The following PALLD variants were observed in gnomAD, a reference collection of about 807,000 sequenced individuals.
PALLD encodes palladin, cytoskeletal associated protein.
A neutral mutation model predicts 123.5 loss-of-function variants in PALLD; 61 were observed. The ratio of observed to expected loss-of-function variants is 0.49; its 90% CI spans 0.40 to 0.61. PALLD has a LOEUF of 0.61. Ranked by LOEUF, PALLD falls within the 20% of genes least tolerant of loss-of-function variation. PALLD has a pLI of 0.00. For missense variants in PALLD, 1,273 were observed against 1,377.0 expected (o/e 0.92, Z 1.20); for synonymous variants, 465 against 496.4 (o/e 0.94, Z 0.84).
intron 1 of PALLD, chr4:168,507,704 T>G (rs1356830881): frequency 1.1e-5 from 2 of 185,812 alleles, no homozygotes; most frequent in African/African-American, 4.7e-5. Flanking sequence ...AAAATGTAAG[T>G]CTGGTGATGT....
At chr4:168,893,047 C>T (rs1316536587) in intron 11 of PALLD, among the ~76,000 whole-genome samples, 1 of 151,956 alleles carries the variant, frequency 6.6e-6, no homozygotes, top group Non-Finnish European at 1.5e-5. Context: ...GGCATAGTGA[C>T]TTAGAAAAAA....
chr4:168,740,525 A>G (rs1189687467), intron 10 of PALLD, among the ~76,000 whole-genome samples: 2 of 152,182 alleles, frequency 1.3e-5, no homozygotes, highest in African/African-American at 4.8e-5. Context: ...GACAGATACT[A>G]AGTTTCTTAG....
Position 168,536,831 on chromosome 4 carries a change from CTT to C in PALLD, c.908+24432_908+24433del, listed in dbSNP as rs11393140. On this transcript the variant is annotated intron_variant, in intron 2 of 21. Transcript: ENST00000505667. ...TACATCAGCATTGAAAAGGTTCTCT[CTT>C]TTTTTTTTTTTTGAGACGGAGTCTC... is the stretch of plus-strand genomic sequence containing the variant. Among the ~76,000 whole-genome samples the C allele has an allele frequency of 1.2e-3, 180 of 144,410 alleles. 4 individuals are homozygous for C. Among genetic ancestry groups the C allele is most frequent in the African/African-American group, 4.2e-3 (166 of 39,234 alleles). The allele number at this position is 144,410 out of a possible 152,430, so 94.7% of individuals were successfully genotyped here. A position where few individuals can be genotyped will look rare whatever the true frequency, so the allele number is the denominator to read the frequency against.
At chr4:168,670,647 T>G (rs2465123) in intron 3 of PALLD, among the ~76,000 whole-genome samples, 50,258 of 145,408 alleles carry the variant, frequency 0.35, 8,995 homozygotes, top group African/African-American at 0.45. Flanking sequence ...GCAGGAGAAT[T>G]GCGTGAACCC....
chr4:168,565,134 G>GTGA (rs1195374983), intron 2 of PALLD, among the ~76,000 whole-genome samples: 3 of 152,062 alleles, frequency 2.0e-5, no homozygotes, highest in African/African-American at 7.2e-5. Flanking sequence ...CAAGGCAGCA[G>GTGA]TGATCCTGGG....
At chr4:168,866,862 T>C (rs1162865250) in intron 10 of PALLD, among the ~76,000 whole-genome samples, 1 of 152,198 alleles carries the variant, frequency 6.6e-6, no homozygotes, top group Non-Finnish European at 1.5e-5. Flanking sequence ...TTGGGTGCCA[T>C]TGCAATATCT....
chr4:168,661,414 T>C (rs1428033409), intron 2 of PALLD, among the ~76,000 whole-genome samples: 1 of 152,230 alleles, frequency 6.6e-6, no homozygotes, highest in Non-Finnish European at 1.5e-5. Flanking sequence ...GATGAATGAA[T>C]GAATAATTGA....
intron 10 of PALLD, among the ~76,000 whole-genome samples, chr4:168,887,854 A>G (rs1245650281): frequency 6.6e-6 from 1 of 152,316 alleles, no homozygotes; most frequent in South Asian, 2.1e-4. Flanking sequence ...AGAAGTAGAG[A>G]TGGACAGTAC....
At chr4:168,642,078 C>T (rs72699810) in intron 2 of PALLD, among the ~76,000 whole-genome samples, 1,938 of 152,300 alleles carry the variant, frequency 0.013, 29 homozygotes, top group Middle Eastern at 0.034. Flanking sequence ...GGTGCCTGCT[C>T]TCTACTCCCA....
chr4:168,626,540 G>A (rs1318548863), intron 2 of PALLD, among the ~76,000 whole-genome samples: 1 of 151,554 alleles, frequency 6.6e-6, no homozygotes, highest in African/African-American at 2.4e-5. Context: ...CGAAACCCAT[G>A]CCTCTATTAA....
At chr4:168,584,964 C>T (rs1234858987) in intron 2 of PALLD, among the ~76,000 whole-genome samples, 1 of 152,134 alleles carries the variant, frequency 6.6e-6, no homozygotes, top group South Asian at 2.1e-4. Context: ...AGAGTTCCCC[C>T]CTTTCTTGGC....
intron 1 of PALLD, among the ~76,000 whole-genome samples, chr4:168,498,950 C>T (rs974630215): frequency 2.6e-5 from 4 of 151,672 alleles, no homozygotes; most frequent in Middle Eastern, 3.4e-3. Context: ...ATTAAATGAG[C>T]TATTAGATTA....
At chr4:168,820,067 G>T (rs898623518) in intron 10 of PALLD, among the ~76,000 whole-genome samples, 11 of 152,188 alleles carry the variant, frequency 7.2e-5, no homozygotes, top group African/African-American at 2.2e-4. Context: ...GTCTTACTTC[G>T]AAAGACTTAA....
At chr4:168,531,720 T>C (rs543739130) in intron 2 of PALLD, among the ~76,000 whole-genome samples, 3 of 152,290 alleles carry the variant, frequency 2.0e-5, no homozygotes, top group African/African-American at 7.2e-5. Context: ...AGATATAATG[T>C]AGGTAAAAAC....
rs7654915 is a variant in PALLD, at chr4:168,792,430, C to T, written c.1964+80507C>T. Among the ~76,000 whole-genome samples, 1,443 of 152,212 alleles carry T rather than the reference C, an allele frequency of 9.5e-3. 26 individuals carry two copies. The highest frequency in any genetic ancestry group is 0.033 in the African/African-American group (1,374 of 41,528). ...GTAAAAGAAGTTTGTCTTTACTCCG[C>T]AGCCTCCCGTGTCCCCCACTCTGAG... is the stretch of plus-strand genomic sequence containing the variant. On this transcript the variant is annotated intron_variant, in intron 10 of 21. Transcript: ENST00000505667.
chr4:168,610,609 A>G (rs1773635169), intron 2 of PALLD, among the ~76,000 whole-genome samples: 1 of 152,130 alleles, frequency 6.6e-6, no homozygotes, highest in African/African-American at 2.4e-5. Flanking sequence ...AATGCACAAG[A>G]CCAAAGGGGT....
At chr4:168,802,903 G>T (rs1263149813) in intron 10 of PALLD, among the ~76,000 whole-genome samples, 1 of 152,116 alleles carries the variant, frequency 6.6e-6, no homozygotes, top group African/African-American at 2.4e-5. Flanking sequence ...TGTTGCTGAG[G>T]CTGGTCTCGA....
At chr4:168,876,971 T>C (rs1332895880) in intron 10 of PALLD, among the ~76,000 whole-genome samples, 2 of 152,202 alleles carry the variant, frequency 1.3e-5, no homozygotes, top group Non-Finnish European at 2.9e-5. Flanking sequence ...TTGAACTATC[T>C]CTTCTCAATG....
In PALLD at chr4:168,926,368, G is replaced by GA; in HGVS notation, c.*191dup. 6.5e-7 allele frequency: 1 copy of GA among 1,537,058 alleles called. No homozygotes were observed. The highest frequency in any genetic ancestry group is 8.7e-7 in the Non-Finnish European group (1 of 1,146,642). On this transcript the variant is annotated 3_prime_UTR_variant, in exon 22 of 22. Transcript: ENST00000505667. ...CCTGACACTGAATACTGCCTTGGTA[G>GA]AAAGTGAGGACCTGTAATCCAGCAT...
Sources: gnomAD v4.1 joint callset for allele counts (sites outside exome capture counted in the v4.1 genomes callset) on GRCh38, gnomAD v4.1.1 for gene constraint, MANE v1.5 for transcripts, NCBI Gene and HGNC (gene_info 2026-07-23, HGNC 2026-07-21) for gene names.